ANKRD11: variants seen among roughly 807,000 people sequenced by gnomAD.
ANKRD11 encodes ankyrin repeat domain-containing protein 11.
ANKRD11 carries 17 observed loss-of-function variants against 195.7 expected under a neutral mutation model. The observed-to-expected ratio is 0.09, with a 90% confidence interval of 0.06 to 0.13. ANKRD11 has a LOEUF of 0.13. Ranked by LOEUF, ANKRD11 falls within the 10% of genes least tolerant of loss-of-function variation. The probability of loss-of-function intolerance (pLI) is 1.00; values close to 1 mark genes in which losing one functional copy is unlikely to be tolerated. For synonymous variants in ANKRD11, 1,953 were observed against 1,528.1 expected (o/e 1.28, Z -6.49); for missense variants, 3,735 against 3,566.1 (o/e 1.05, Z -1.21).
chr16:89,354,438 C>T (rs961106257), intron 2 of ANKRD11, among the ~76,000 whole-genome samples: 1 of 152,168 alleles, frequency 6.6e-6, no homozygotes, highest in Non-Finnish European at 1.5e-5. Context: ...ACTATGCCAG[C>T]GCAGTGCAGA....
At chr16:89,448,721 T>C (rs2043920120) in intron 1 of ANKRD11, among the ~76,000 whole-genome samples, 1 of 152,138 alleles carries the variant, frequency 6.6e-6, no homozygotes, top group Non-Finnish European at 1.5e-5. Context: ...GGCCTTACAG[T>C]ACCCTAAAAT....
At chr16:89,417,201 G>A (rs1183699271) in intron 2 of ANKRD11, among the ~76,000 whole-genome samples, 1 of 152,222 alleles carries the variant, frequency 6.6e-6, no homozygotes, top group Non-Finnish European at 1.5e-5. Flanking sequence ...AGGCGACTGA[G>A]ATAAGGAACA....
At chr16:89,271,494 A>C (rs907557144) in intron 11 of ANKRD11, 2 of 166,842 alleles carry the variant, frequency 1.2e-5, no homozygotes, top group African/African-American at 2.4e-5. Flanking sequence ...CACGGATAAG[A>C]TGTCCAGGCT....
chr16:89,360,257 GTTATC>G (rs552955602), intron 2 of ANKRD11, among the ~76,000 whole-genome samples: 222 of 152,246 alleles, frequency 1.5e-3, no homozygotes, highest in African/African-American at 5.2e-3. Flanking sequence ...TTATGGCTAT[GTTATC>G]TTATCTTATT....
intron 2 of ANKRD11, among the ~76,000 whole-genome samples, chr16:89,393,211 T>C (rs2041273616): frequency 6.6e-6 from 1 of 152,164 alleles, no homozygotes; most frequent in East Asian, 1.9e-4. Flanking sequence ...GCCAGCCTCA[T>C]TCACCTGTTC....
At chr16:89,325,469 TCA>T (rs59319003) in intron 2 of ANKRD11, among the ~76,000 whole-genome samples, 38,725 of 147,136 alleles carry the variant, frequency 0.26, 5,130 homozygotes, top group Admixed American at 0.31. Flanking sequence ...TCTCTCTCTC[TCA>T]CACACACACA....
intron 1 of ANKRD11, among the ~76,000 whole-genome samples, chr16:89,444,144 T>C (rs1348816101): frequency 6.6e-6 from 1 of 152,182 alleles, no homozygotes; most frequent in Non-Finnish European, 1.5e-5. Flanking sequence ...TTTGTGTTCC[T>C]GCATAAAATA....
intron 1 of ANKRD11, among the ~76,000 whole-genome samples, chr16:89,469,883 A>G (rs551480609): frequency 1.4e-5 from 2 of 143,002 alleles, no homozygotes; most frequent in South Asian, 4.8e-4. Flanking sequence ...GCTCCGTTTC[A>G]GAAAAACAAA....
At chr16:89,278,051 T>G in intron 9 of ANKRD11, 1 of 173,988 alleles carries the variant, frequency 5.7e-6, no homozygotes, top group Non-Finnish European at 1.3e-5. Flanking sequence ...GTTCTGGGCA[T>G]AACACAACAC....
At chr16:89,332,569 T>C (rs2038123252) in intron 2 of ANKRD11, among the ~76,000 whole-genome samples, 1 of 152,224 alleles carries the variant, frequency 6.6e-6, no homozygotes, top group Non-Finnish European at 1.5e-5. Context: ...GAACCCATTC[T>C]CCTAAAGGAT....
At chr16:89,308,452 C>A (rs1203122676) in intron 3 of ANKRD11, among the ~76,000 whole-genome samples, 2 of 152,224 alleles carry the variant, frequency 1.3e-5, no homozygotes, top group African/African-American at 2.4e-5. Context: ...TGCCTACAGG[C>A]ACCACCCAAC....
At chr16:89,278,624 G>C (rs1216406564) in intron 9 of ANKRD11, 2 of 459,874 alleles carry the variant, frequency 4.3e-6, no homozygotes, top group East Asian at 1.4e-4. Flanking sequence ...GGAGGAGGTG[G>C]GGGAAGGGAC....
intron 2 of ANKRD11, among the ~76,000 whole-genome samples, chr16:89,356,346 GAGA>G (rs1488912751): frequency 1.4e-5 from 2 of 147,666 alleles, no homozygotes; most frequent in Admixed American, 6.7e-5. Context: ...CCGCTGAGGT[GAGA>G]AGGATGTGAT....
intron 1 of ANKRD11, among the ~76,000 whole-genome samples, chr16:89,444,224 C>T (rs1395196691): frequency 1.3e-5 from 2 of 152,018 alleles, no homozygotes; most frequent in African/African-American, 4.8e-5. Context: ...AAACAACACT[C>T]TGTATGCCCT....
chr16:89,390,447 G>GT (rs761749358), intron 2 of ANKRD11, among the ~76,000 whole-genome samples: 4 of 152,164 alleles, frequency 2.6e-5, no homozygotes, highest in Non-Finnish European at 4.4e-5. Flanking sequence ...ACGGTAAGGG[G>GT]TGCTCCCAAA....
chr16:89,367,397 G>A (rs974285915), intron 2 of ANKRD11, among the ~76,000 whole-genome samples: 1 of 152,220 alleles, frequency 6.6e-6, no homozygotes, highest in Non-Finnish European at 1.5e-5. Context: ...GGCCGGGGAT[G>A]CTCAACGCAA....
At chr16:89,375,190 T>C (rs1448569961) in intron 2 of ANKRD11, among the ~76,000 whole-genome samples, 2 of 152,038 alleles carry the variant, frequency 1.3e-5, no homozygotes, top group Admixed American at 1.3e-4. Context: ...GCTACCGCGG[T>C]GAGCTCAAGT....
In ANKRD11 at chr16:89,290,880, T is replaced by C; in HGVS notation, c.398-52A>G. On this transcript the variant is annotated intron_variant, in intron 5 of 12. Coordinates refer to ENST00000301030, the MANE Select transcript of ANKRD11 (RefSeq NM_013275.6). ...GCATTACTGTGGGGTGGTCCTGCTT[T>C]GTCCAATCTTCAAGAGCCCAGGCCA... is the stretch of plus-strand genomic sequence containing the variant. The C allele has an allele frequency of 3.1e-6, 5 of 1,610,868 alleles. 1 individual carries two copies. In the South Asian group the frequency reaches 3.3e-5, roughly 11 times the overall value.
At chr16:89,482,307 C>T (rs2057469952) in intron 1 of ANKRD11, among the ~76,000 whole-genome samples, 1 of 152,116 alleles carries the variant, frequency 6.6e-6, no homozygotes, top group South Asian at 2.1e-4. Flanking sequence ...ACAAACATGC[C>T]AATGTGTGAA....
Sources: allele counts gnomAD v4.1 joint callset (sites outside exome capture counted in the v4.1 genomes callset), GRCh38; gene constraint gnomAD v4.1.1; transcripts MANE v1.5; gene names NCBI Gene and HGNC (gene_info 2026-07-23, HGNC 2026-07-21).